The following HYCC1 variants were observed in gnomAD, a reference collection of about 807,000 sequenced individuals.
The protein encoded by HYCC1 is hyccin PI4KA lipid kinase complex subunit 1.
chr7:22,946,226 T>C, the HYCC1 span: 6 of 1,315,908 alleles, frequency 4.6e-6, no homozygotes, highest in Admixed American at 1.9e-5. Context: ...TTTTAAATGA[T>C]TAACACCAAA....
the HYCC1 span, among the ~76,000 whole-genome samples, chr7:23,010,865 T>G: frequency 6.6e-6 from 1 of 152,204 alleles, no homozygotes; most frequent in Non-Finnish European, 1.5e-5. Flanking sequence ...ATTTTCTCCC[T>G]TCTTTATTTC....
the HYCC1 span, among the ~76,000 whole-genome samples, chr7:22,932,755 T>C: frequency 6.6e-6 from 1 of 152,118 alleles, no homozygotes; most frequent in African/African-American, 2.4e-5. Flanking sequence ...TGAATGTGAA[T>C]TTTGGGGAGT....
At chr7:22,982,286 G>C in the HYCC1 span, among the ~76,000 whole-genome samples, 4 of 152,178 alleles carry the variant, frequency 2.6e-5, no homozygotes. Context: ...AGAAGGAAGA[G>C]ACAAGACAAA....
chr7:22,977,094 A>ATT, the HYCC1 span, among the ~76,000 whole-genome samples: 1 of 120,296 alleles, frequency 8.3e-6, no homozygotes, highest in Non-Finnish European at 1.6e-5. Context: ...GTAGCCATCC[A>ATT]TCAGGAAGAG....
At chr7:22,930,275 T>C in the HYCC1 span, among the ~76,000 whole-genome samples, 6 of 147,140 alleles carry the variant, frequency 4.1e-5, no homozygotes, top group Middle Eastern at 0.011. Flanking sequence ...CACACCAACA[T>C]GGCACATGTA....
the HYCC1 span, among the ~76,000 whole-genome samples, chr7:23,004,623 A>G: frequency 6.6e-6 from 1 of 152,016 alleles, no homozygotes; most frequent in Admixed American, 6.6e-5. Context: ...CTCTCAACCC[A>G]TCATTATCAT....
At chr7:22,977,523 A>T in the HYCC1 span, 2 of 657,322 alleles carry the variant, frequency 3.0e-6, no homozygotes, top group South Asian at 3.9e-5. Context: ...AAAAGACCTG[A>T]ATAGAAAGGA....
the HYCC1 span, among the ~76,000 whole-genome samples, chr7:22,966,095 A>C: frequency 6.6e-6 from 1 of 152,304 alleles, no homozygotes; most frequent in Non-Finnish European, 1.5e-5. Context: ...GGGAAAAAAA[A>C]CTGTCCAAAA....
the HYCC1 span, among the ~76,000 whole-genome samples, chr7:22,949,522 G>A: frequency 2.6e-4 from 39 of 151,962 alleles, 1 homozygote; most frequent in South Asian, 7.0e-3. Context: ...ATGGAGAGCC[G>A]GAGAAAATAA....
At chr7:22,896,343 C>G in the HYCC1 span, among the ~76,000 whole-genome samples, 1 of 152,152 alleles carries the variant, frequency 6.6e-6, no homozygotes, top group Non-Finnish European at 1.5e-5. Flanking sequence ...TCTGGCTACC[C>G]TGGAGGCATT....
the HYCC1 span, among the ~76,000 whole-genome samples, chr7:22,896,420 C>G: frequency 6.6e-6 from 1 of 152,174 alleles, no homozygotes; most frequent in Non-Finnish European, 1.5e-5. Flanking sequence ...CTTTAAGAGA[C>G]AGGGTACACA....
the HYCC1 span, among the ~76,000 whole-genome samples, chr7:22,955,742 T>C: frequency 6.6e-6 from 1 of 151,480 alleles, no homozygotes; most frequent in Non-Finnish European, 1.5e-5. Context: ...CACAAGGAAA[T>C]AAACAAGTAT....
chr7:23,013,036 G>C, the HYCC1 span, among the ~76,000 whole-genome samples: 2 of 152,172 alleles, frequency 1.3e-5, no homozygotes, highest in African/African-American at 4.8e-5. Context: ...ATTTCTCAGA[G>C]AGCAGATTCT....
the HYCC1 span, among the ~76,000 whole-genome samples, chr7:22,971,739 G>C: frequency 2.0e-5 from 3 of 149,720 alleles, no homozygotes; most frequent in Admixed American, 6.7e-5. Context: ...CAGGAGAATA[G>C]AAAAAGGGGA....
chr7:23,009,061 AATT>A, the HYCC1 span, among the ~76,000 whole-genome samples: 1 of 152,074 alleles, frequency 6.6e-6, no homozygotes, highest in African/African-American at 2.4e-5. Flanking sequence ...AAACTAGGGA[AATT>A]ATTTGCAATG....
At chr7:22,986,506 T>G in the HYCC1 span, among the ~76,000 whole-genome samples, 1 of 152,260 alleles carries the variant, frequency 6.6e-6, no homozygotes, top group Non-Finnish European at 1.5e-5. Context: ...AAGGCATAAC[T>G]GGAGTTGAAA....
At chr7:22,988,169 G>C in the HYCC1 span, among the ~76,000 whole-genome samples, 1 of 152,080 alleles carries the variant, frequency 6.6e-6, no homozygotes, top group Admixed American at 6.6e-5. Context: ...TAATTATCAG[G>C]AATGCCTACC....
the HYCC1 span, among the ~76,000 whole-genome samples, chr7:22,920,997 C>T: frequency 1.3e-5 from 2 of 152,164 alleles, no homozygotes; most frequent in African/African-American, 4.8e-5. Flanking sequence ...TCCCTGTTTC[C>T]CTTCTGCCAT....
chr7:22,917,228 G>A, the HYCC1 span, among the ~76,000 whole-genome samples: 1 of 152,108 alleles, frequency 6.6e-6, no homozygotes, highest in Non-Finnish European at 1.5e-5. Flanking sequence ...TCCCACACAA[G>A]GCAAATGGTT....
Sources: gnomAD v4.1 joint callset for allele counts (sites outside exome capture counted in the v4.1 genomes callset) on GRCh38, gnomAD v4.1.1 for gene constraint, MANE v1.5 for transcripts, NCBI Gene and HGNC (gene_info 2026-07-23, HGNC 2026-07-21) for gene names.